The following CCAR2 variants were observed in gnomAD, a reference collection of about 807,000 sequenced individuals.
The protein encoded by CCAR2 is cell cycle and apoptosis regulator 2.
Under a neutral mutation model 108.1 loss-of-function variants are expected in CCAR2, and 21 were observed. That is an observed-to-expected ratio of 0.19 (90% CI 0.14 to 0.28). The LOEUF is 0.28. Ranked by LOEUF, CCAR2 falls within the 10% of genes least tolerant of loss-of-function variation. CCAR2 has a pLI of 1.00. For synonymous variants in CCAR2, 577 were observed against 472.8 expected (o/e 1.22, Z -2.86); for missense variants, 1,126 against 1,177.0 (o/e 0.96, Z 0.63).
chr8:22,616,335 C>A, intron 14 of CCAR2, 87 bp downstream of exon 14: 1 of 1,268,160 alleles, frequency 7.9e-7, no homozygotes, highest in South Asian at 1.3e-5. Flanking sequence ...GCTTCCTGTG[C>A]CTTAGCTCAT....
At position 22,620,186 on chromosome 8, in the gene CCAR2, CACGGGAATGGAGT is replaced by C. The variant is rs1223594442; in HGVS notation, c.*505_*517del. 1 of 158,628 alleles carries C rather than the reference CACGGGAATGGAGT, an allele frequency of 6.3e-6. No homozygotes were observed. The highest frequency in any genetic ancestry group is 6.1e-5 in the Admixed American group (1 of 16,466). The allele number at this position is 158,628 out of a possible 1,614,324, so 9.8% of individuals were successfully genotyped here. On this transcript the variant is annotated 3_prime_UTR_variant, in exon 21 of 21. Transcript: ENST00000308511. ...TGGGGGAAGGGTCTCCCTTGGCCAT[CACGGGAATGGAGT>C]CCATGCTAGAAAGAGCTCAGTGTTG...
At chr8:22,609,229 G>GT (rs1190253573) in intron 7 of CCAR2, among the ~76,000 whole-genome samples, 2 of 151,966 alleles carry the variant, frequency 1.3e-5, no homozygotes, top group Non-Finnish European at 2.9e-5. Flanking sequence ...TTTTTAAAAC[G>GT]TTTTTTGTAA....
intron 15 of CCAR2, 29 bp from the exon 16 acceptor site, chr8:22,617,667 G>A (rs2117463272): frequency 6.2e-7 from 1 of 1,614,120 alleles, no homozygotes; most frequent in East Asian, 2.2e-5. Flanking sequence ...GGTGGGCCCT[G>A]CTCTCCATTT....
intron 7 of CCAR2, among the ~76,000 whole-genome samples, chr8:22,608,591 A>G (rs946312727): frequency 3.8e-4 from 58 of 152,172 alleles, no homozygotes; most frequent in African/African-American, 1.4e-3. Context: ...TGGAGCAAGC[A>G]TGGCTGATTT....
chr8:22,606,624 G>A lies in CCAR2; in HGVS notation c.168G>A (p.Arg56=), dbSNP rs926851651. Reference sequence around the variant, plus strand: ...TCTTACAGGGTGGGGAGAAACAGCGGGTCTTCACTGGTATTGTTACCAGCT... The same window carrying A: ...TCTTACAGGGTGGGGAGAAACAGCGAGTCTTCACTGGTATTGTTACCAGCT... ...ARHLQGGEKQ[R]VFTGIVTSLH... is the part of the protein sequence containing the mutation. The change falls in exon 4 of 21, where the codon CGG becomes CGA. Residue 56 remains arginine (R), a synonymous_variant. Coordinates refer to ENST00000308511, the MANE Select transcript of CCAR2 (RefSeq NM_001393997.1). 12 of 1,613,958 alleles carry A rather than the reference G, an allele frequency of 7.4e-6. No homozygotes were observed. The highest frequency in any genetic ancestry group is 3.3e-5 in the Admixed American group (2 of 60,000).
chr8:22,619,612 C>G (rs1348006699), intron 20 of CCAR2, 26 bp from the exon 21 acceptor site: 4 of 1,535,928 alleles, frequency 2.6e-6, no homozygotes, highest in Non-Finnish European at 3.5e-6. Context: ...AGGCCCGATT[C>G]TGGGTACATC....
In CCAR2 at chr8:22,617,468, G is replaced by A; in HGVS notation, c.1894G>A (p.Glu632Lys). ...ACCACTCTCTTCTGGGGGAGAGGAAGAAGAAAAACCCCGGGGCGAGGCTTC... is the reference window on the plus strand; with the variant it reads ...ACCACTCTCTTCTGGGGGAGAGGAAAAAGAAAAACCCCGGGGCGAGGCTTC... The part of the protein sequence containing the change: ...PKPLSSGGEE[E>K]EKPRGEASED... Residue 632 changes from glutamate (E) to lysine (K), a missense_variant, in exon 15 of 21, where the codon GAA becomes AAA. Glu to Lys is a moderately conservative substitution (Grantham distance 56). Transcript: ENST00000308511. The A allele has an allele frequency of 6.2e-7, 1 of 1,601,642 alleles. No individual in the cohort carries two copies. The highest frequency in any genetic ancestry group is 8.5e-7 in the Non-Finnish European group (1 of 1,174,270).
chr8:22,619,988 T>C lies in CCAR2; in HGVS notation c.*306T>C. ...CCCTTTTAGTCTTGTGCTGACTTTC[T>C]CCTGTCCTCTTCCAGTTTAGAATAA... On this transcript the variant is annotated 3_prime_UTR_variant, in exon 21 of 21. Transcript: ENST00000308511. 2.3e-6 allele frequency: 1 copy of C among 426,242 alleles called. No individual in the cohort carries two copies. Among genetic ancestry groups the C allele is most frequent in the South Asian group, 2.9e-5 (1 of 34,640 alleles). 26.4% of individuals were successfully genotyped at this position (426,242 alleles called of 1,614,324 possible).
intron 14 of CCAR2, 91 bp from the exon 15 acceptor site, chr8:22,617,329 C>T (rs1801564052): frequency 7.0e-7 from 1 of 1,433,140 alleles, no homozygotes; most frequent in Non-Finnish European, 9.4e-7. Flanking sequence ...GTGCCTGGGG[C>T]ATAGTTGATA....
Position 22,619,029 on chromosome 8 carries a change from G to A in CCAR2, c.2521+14G>A. On this transcript the variant is annotated intron_variant, in intron 19 of 20. Transcript: ENST00000308511. ...AGCTGAAGCTGGGTGAGGGCCTGGGGCTGCAGCCACCATGGGGTCACATGC... is the reference window on the plus strand; with the variant it reads ...AGCTGAAGCTGGGTGAGGGCCTGGGACTGCAGCCACCATGGGGTCACATGC... The A allele has an allele frequency of 1.2e-6, 2 of 1,611,344 alleles. No individual in the cohort carries two copies. The highest frequency in any genetic ancestry group is 1.7e-6 in the Non-Finnish European group (2 of 1,178,912).
rs757057044 is a variant in CCAR2 at position 22,606,128 on chromosome 8, C to A, written c.102C>A (p.Leu34=). The A allele has an allele frequency of 6.2e-7, 1 of 1,614,038 alleles. No homozygotes were observed. Among genetic ancestry groups the A allele is most frequent in the East Asian group, 2.2e-5 (1 of 44,904 alleles). The change falls in exon 3 of 21, where the codon CTC becomes CTA. Residue 34 remains leucine, a synonymous_variant. Coordinates refer to ENST00000308511, the MANE Select transcript of CCAR2 (RefSeq NM_001393997.1). ...TTCTGGGCCCTCCTCCTGGTTTGCT[C>A]ACTCCTCCTGTGGCCACAGAACTGT... ...TSLLGPPPGL[L]TPPVATELSQ...
intron 8 of CCAR2, 167 bp from the exon 9 acceptor site, chr8:22,613,925 G>T: frequency 1.6e-6 from 1 of 609,062 alleles, no homozygotes; most frequent in Non-Finnish European, 2.9e-6. Flanking sequence ...GCCATCTAGA[G>T]TTTGTAAATT....
intron 11 of CCAR2, 48 bp downstream of exon 11, chr8:22,615,049 G>A (rs199820834): frequency 1.3e-6 from 2 of 1,495,914 alleles, no homozygotes; most frequent in Non-Finnish European, 1.8e-6. Context: ...CCAGGTTGGG[G>A]AGGTTTTGTT....
intron 17 of CCAR2, 38 bp from the exon 18 acceptor site, chr8:22,618,579 G>C: frequency 6.2e-7 from 1 of 1,614,036 alleles, no homozygotes; most frequent in Non-Finnish European, 8.5e-7. Context: ...CCAGGGTCGG[G>C]GACGGGGCCT....
rs201741574 is a variant in CCAR2, at chr8:22,617,650, G to A, written c.1991-46G>A. 1.9e-6 allele frequency: 3 copies of A among 1,614,010 alleles called. No individual in the cohort carries two copies. In the East Asian group the frequency reaches 6.7e-5, roughly 36 times the overall value. ...AAGCTGGTTTTCATTTTTGTACTGT[G>A]GAGTTGGGTGGGCCCTGCTCTCCAT... On this transcript the variant is annotated intron_variant, in intron 15 of 20. Coordinates refer to ENST00000308511, the MANE Select transcript of CCAR2 (RefSeq NM_001393997.1).
At position 22,618,640 on chromosome 8, in the gene CCAR2, G is replaced by C. The variant is rs201382921; in HGVS notation, c.2244G>C (p.Val748=). The C allele has an allele frequency of 4.3e-5, 69 of 1,614,138 alleles. No individual in the cohort carries two copies. Among genetic ancestry groups the C allele is most frequent in the Non-Finnish European group, 5.7e-5 (67 of 1,180,042 alleles). The change falls in exon 18 of 21, where the codon GTG becomes GTC. Residue 748 remains valine, a synonymous_variant. Coordinates refer to ENST00000308511, the MANE Select transcript of CCAR2 (RefSeq NM_001393997.1). ...AGGCCAAGCAGCTGGTCAGCAGGGT[G>C]GTGACCCAGAACATCTGCCAGTACC... ...AEQAKQLVSR[V]VTQNICQYRS...
rs367592221 is a variant in CCAR2, at chr8:22,619,124, T to A, written c.2522-26T>A. The A allele has an allele frequency of 2.5e-6, 4 of 1,602,874 alleles. No homozygotes were observed. The African/African-American group carries it at 5.4e-5, about 21-fold the overall frequency. Reference sequence around the variant, plus strand: ...GCTCTGGGCCTTGATGGAGCAGCCGTCCCCGTTTCCTTCTCCACCTTGCAG... The same window carrying A: ...GCTCTGGGCCTTGATGGAGCAGCCGACCCCGTTTCCTTCTCCACCTTGCAG... On this transcript the variant is annotated intron_variant, in intron 19 of 20. Transcript: ENST00000308511.
At chr8:22,615,991 A>ACCCT (rs775444530) in intron 13 of CCAR2, 21 bp from the exon 14 acceptor site, 1 of 1,612,660 alleles carries the variant, frequency 6.2e-7, no homozygotes, top group South Asian at 1.1e-5. Context: ...ATGCTCATGG[A>ACCCT]CCCTCCCACC....
rs201769711 is a variant in CCAR2 at position 22,605,802 on chromosome 8, A to T, written c.29A>T (p.Asn10Ile). ...TCCCAGTTTAAGCGCCAGCGGATCA[A>T]CCCGCTTCCAGGGGGACGCAACTTC... MSQFKRQRINPLPGGRNFSG... is the reference protein window; with the variant it reads MSQFKRQRIIPLPGGRNFSG... Residue 10 changes from asparagine (N) to isoleucine (I), a missense_variant, in exon 2 of 21, where the codon AAC becomes ATC. By Grantham distance (149) the Asn-to-Ile change is moderately radical. Coordinates refer to ENST00000308511, the MANE Select transcript of CCAR2 (RefSeq NM_001393997.1). 6.2e-7 allele frequency: 1 copy of T among 1,614,016 alleles called. No homozygotes were observed. The highest frequency in any genetic ancestry group is 8.5e-7 in the Non-Finnish European group (1 of 1,179,952).
Sources: gnomAD v4.1 joint callset for allele counts (sites outside exome capture counted in the v4.1 genomes callset) on GRCh38, gnomAD v4.1.1 for gene constraint, MANE v1.5 for transcripts, NCBI Gene and HGNC (gene_info 2026-07-23, HGNC 2026-07-21) for gene names.